Variants in GRM7 observed in about 807,000 individuals in gnomAD.
GRM7 encodes glutamate metabotropic receptor 7.
In GRM7, 35 loss-of-function variants were observed where a neutral mutation model predicts 84.5. The ratio of observed to expected loss-of-function variants is 0.41; its 90% CI spans 0.32 to 0.55. GRM7 has a LOEUF of 0.55. Ranked by LOEUF, GRM7 falls within the 20% of genes least tolerant of loss-of-function variation. The probability of loss-of-function intolerance (pLI) is 0.19; values close to 1 mark genes in which losing one functional copy is unlikely to be tolerated. For synonymous variants in GRM7, 487 were observed against 455.1 expected (o/e 1.07, Z -0.89); for missense variants, 1,003 against 1,194.6 (o/e 0.84, Z 2.36).
chr3:7,337,360 G>C (rs1309448424), intron 4 of GRM7, among the ~76,000 whole-genome samples: 1 of 152,030 alleles, frequency 6.6e-6, no homozygotes, highest in Non-Finnish European at 1.5e-5. Flanking sequence ...TAGGCAAATA[G>C]TTCGTGACCA....
chr3:7,149,911 T>C (rs1694230056), intron 2 of GRM7, among the ~76,000 whole-genome samples: 1 of 152,224 alleles, frequency 6.6e-6, no homozygotes, highest in Admixed American at 6.5e-5. Context: ...ACTTGAGTAA[T>C]AGATGTTATC....
chr3:7,162,846 A>G (rs760924225), intron 2 of GRM7, among the ~76,000 whole-genome samples: 4 of 134,350 alleles, frequency 3.0e-5, no homozygotes, highest in South Asian at 2.4e-4. Flanking sequence ...TGCAACCTCC[A>G]CCTCCTGGGT....
intron 6 of GRM7, among the ~76,000 whole-genome samples, chr3:7,458,607 G>A (rs567767194): frequency 6.6e-6 from 1 of 152,238 alleles, no homozygotes; most frequent in South Asian, 2.1e-4. Flanking sequence ...AATGGAAAGG[G>A]CGTGACAAGA....
intron 2 of GRM7, among the ~76,000 whole-genome samples, chr3:7,172,206 AT>A (rs201802932): frequency 3.3e-5 from 5 of 151,870 alleles, no homozygotes; most frequent in South Asian, 4.2e-4. Context: ...TTATATGATA[AT>A]TTTTTTTTAA....
At chr3:7,080,343 C>T (rs971014048) in intron 1 of GRM7, among the ~76,000 whole-genome samples, 1 of 151,960 alleles carries the variant, frequency 6.6e-6, no homozygotes, top group Non-Finnish European at 1.5e-5. Context: ...GTCCAGTCTC[C>T]TCGCTGTGTA....
At chr3:7,429,196 T>G (rs74963842) in intron 5 of GRM7, among the ~76,000 whole-genome samples, 4 of 138,034 alleles carry the variant, frequency 2.9e-5, no homozygotes, top group South Asian at 4.2e-4. Flanking sequence ...TAGAGTTTTG[T>G]TTTTTTTTGT....
intron 2 of GRM7, among the ~76,000 whole-genome samples, chr3:7,247,892 G>A (rs1472468409): frequency 1.3e-5 from 2 of 152,070 alleles, no homozygotes; most frequent in Non-Finnish European, 2.9e-5. Context: ...AAATGATAAT[G>A]AGATGCCACA....
intron 1 of GRM7, among the ~76,000 whole-genome samples, chr3:7,119,434 A>G (rs1007696198): frequency 2.0e-5 from 3 of 152,130 alleles, no homozygotes; most frequent in Admixed American, 6.6e-5. Context: ...GAGATTTCAC[A>G]CACATGACTA....
intron 1 of GRM7, among the ~76,000 whole-genome samples, chr3:7,109,578 G>A (rs1008030020): frequency 1.3e-5 from 2 of 152,096 alleles, no homozygotes; most frequent in Non-Finnish European, 2.9e-5. Flanking sequence ...GCACCAAATG[G>A]TACAGCTTAA....
At chr3:7,619,379 C>CACTT (rs1372704194) in intron 8 of GRM7, among the ~76,000 whole-genome samples, 1 of 151,750 alleles carries the variant, frequency 6.6e-6, no homozygotes, top group Non-Finnish European at 1.5e-5. Context: ...AGACTGTGTA[C>CACTT]ACTTACAAGT....
intron 7 of GRM7, among the ~76,000 whole-genome samples, chr3:7,467,747 A>C (rs931782621): frequency 1.3e-5 from 2 of 152,198 alleles, no homozygotes; most frequent in African/African-American, 4.8e-5. Flanking sequence ...TCAATAAATT[A>C]AGACAATTTA....
intron 7 of GRM7, among the ~76,000 whole-genome samples, chr3:7,517,056 G>T (rs1211175943): frequency 6.6e-6 from 1 of 152,094 alleles, no homozygotes; most frequent in African/African-American, 2.4e-5. Flanking sequence ...GCAGGGCTAT[G>T]GCATGCTTTC....
chr3:7,084,927 A>G (rs1035506786), intron 1 of GRM7, among the ~76,000 whole-genome samples: 1 of 152,188 alleles, frequency 6.6e-6, no homozygotes, highest in Non-Finnish European at 1.5e-5. Flanking sequence ...TGGATCACCT[A>G]ATAGAATCTC....
At chr3:7,612,876 T>G (rs1288312383) in intron 8 of GRM7, among the ~76,000 whole-genome samples, 1 of 152,194 alleles carries the variant, frequency 6.6e-6, no homozygotes, top group African/African-American at 2.4e-5. Flanking sequence ...CAGTGAAAGA[T>G]CCATTGCTTA....
At chr3:7,583,230 G>A (rs1575522627) in intron 8 of GRM7, among the ~76,000 whole-genome samples, 1 of 152,202 alleles carries the variant, frequency 6.6e-6, no homozygotes, top group African/African-American at 2.4e-5. Context: ...AATAGAATAG[G>A]TAGACAGTGG....
chr3:7,409,160 T>C (rs1402781159), intron 4 of GRM7, among the ~76,000 whole-genome samples: 2 of 152,186 alleles, frequency 1.3e-5, no homozygotes, highest in Non-Finnish European at 2.9e-5. Flanking sequence ...TCTCGTTTTT[T>C]TCACTTCCTT....
At chr3:6,868,171 A>G (rs1213746896) in intron 1 of GRM7, among the ~76,000 whole-genome samples, 2 of 152,198 alleles carry the variant, frequency 1.3e-5, no homozygotes, top group Non-Finnish European at 2.9e-5. Context: ...TGTTCAGCTC[A>G]GGAAAGTGAT....
intron 9 of GRM7, among the ~76,000 whole-genome samples, chr3:7,717,364 A>G (rs1393911806): frequency 6.6e-6 from 1 of 151,990 alleles, no homozygotes; most frequent in Non-Finnish European, 1.5e-5. Flanking sequence ...AGCTAAAATC[A>G]GGTTGATTTA....
chr3:7,110,779 G>T (rs1692821862), intron 1 of GRM7, among the ~76,000 whole-genome samples: 1 of 152,060 alleles, frequency 6.6e-6, no homozygotes, highest in Non-Finnish European at 1.5e-5. Flanking sequence ...TGAGTGGTCT[G>T]GGAGGGGAGA....
Sources: allele counts gnomAD v4.1 joint callset (sites outside exome capture counted in the v4.1 genomes callset), GRCh38; gene constraint gnomAD v4.1.1; transcripts MANE v1.5; gene names NCBI Gene and HGNC (gene_info 2026-07-23, HGNC 2026-07-21).